The following CDH13 variants were observed in gnomAD, a reference collection of about 807,000 sequenced individuals.
CDH13 encodes the protein cadherin-13.
Under a neutral mutation model 63.8 loss-of-function variants are expected in CDH13, and 24 were observed. That is an observed-to-expected ratio of 0.38 (90% CI 0.27 to 0.53). CDH13 has a LOEUF of 0.53. Among genes scored for constraint, CDH13 ranks in the 20% least tolerant of loss-of-function variants. The probability of loss-of-function intolerance (pLI) is 0.85; values close to 1 mark genes in which losing one functional copy is unlikely to be tolerated. For missense variants in CDH13, 1,049 were observed against 903.1 expected (o/e 1.16, Z -2.07); for synonymous variants, 503 against 355.3 (o/e 1.42, Z -4.67).
At chr16:82,874,585 C>T (rs1035292307) in intron 2 of CDH13, among the ~76,000 whole-genome samples, 1 of 152,102 alleles carries the variant, frequency 6.6e-6, no homozygotes, top group Non-Finnish European at 1.5e-5. Context: ...CTATTTTTAG[C>T]TAAAACTGGT....
intron 2 of CDH13, among the ~76,000 whole-genome samples, chr16:82,959,716 C>G (rs1906675771): frequency 6.6e-6 from 1 of 152,170 alleles, no homozygotes; most frequent in Admixed American, 6.5e-5. Context: ...GTTCTGTTTG[C>G]CATATAAGTT....
intron 2 of CDH13, among the ~76,000 whole-genome samples, chr16:82,904,747 G>A (rs190362346): frequency 1.6e-3 from 247 of 152,296 alleles, no homozygotes; most frequent in Non-Finnish European, 2.9e-3. Context: ...CGGGTGGTCA[G>A]TATTTACCAG....
At chr16:83,349,657 A>G (rs907925125) in intron 6 of CDH13, among the ~76,000 whole-genome samples, 9 of 151,754 alleles carry the variant, frequency 5.9e-5, no homozygotes, top group Non-Finnish European at 1.2e-4. Flanking sequence ...CTGGAGTGCA[A>G]TAGTATGATC....
Position 82,858,423 on chromosome 16 carries a change from T to C in CDH13, c.107T>C (p.Phe36Ser), listed in dbSNP as rs377485418. ...ACTCCTGGATTTCAGCAGAAAGTGT[T>C]CCATATCAATCAGCCAGCTGAATTC... ...DCTPGFQQKV[F>S]HINQPAEFIE... Residue 36 changes from phenylalanine (F) to serine (S), a missense_variant, in exon 2 of 14, where the codon TTC becomes TCC. By Grantham distance (155) the Phe-to-Ser change is radical. Coordinates refer to ENST00000567109, the MANE Select transcript of CDH13 (RefSeq NM_001257.5). 2 of 1,613,694 alleles carry C rather than the reference T, an allele frequency of 1.2e-6. No homozygotes were observed. The highest frequency in any genetic ancestry group is 1.7e-5 in the Admixed American group (1 of 60,006).
At chr16:83,713,088 C>G (rs1598552684) in intron 10 of CDH13, among the ~76,000 whole-genome samples, 1 of 152,192 alleles carries the variant, frequency 6.6e-6, no homozygotes, top group South Asian at 2.1e-4. Context: ...GATTATAGTT[C>G]AAGCCAGTAG....
chr16:83,079,708 G>A (rs2033106010), intron 3 of CDH13, among the ~76,000 whole-genome samples: 1 of 152,156 alleles, frequency 6.6e-6, no homozygotes, highest in Admixed American at 6.5e-5. Flanking sequence ...GTACGCAAAT[G>A]TGTTTCTTCC....
chr16:83,271,072 C>G (rs961418495), intron 5 of CDH13, among the ~76,000 whole-genome samples: 11 of 151,858 alleles, frequency 7.2e-5, no homozygotes, highest in Admixed American at 2.6e-4. Context: ...TTTTAGGGAG[C>G]CCAAAGTCCT....
At chr16:82,724,982 C>T (rs2033010154) in intron 1 of CDH13, among the ~76,000 whole-genome samples, 1 of 152,184 alleles carries the variant, frequency 6.6e-6, no homozygotes. Context: ...AAGATGGCTT[C>T]TTAAGGATTA....
intron 8 of CDH13, among the ~76,000 whole-genome samples, chr16:83,637,139 T>G (rs1911335131): frequency 6.6e-6 from 1 of 152,216 alleles, no homozygotes; most frequent in African/African-American, 2.4e-5. Flanking sequence ...CAGTTTGAAC[T>G]CAACAGCTTT....
chr16:82,930,878 CA>C lies in CDH13; in HGVS notation c.157+72408del, dbSNP rs1279481737. Among the ~76,000 whole-genome samples the C allele has an allele frequency of 1.7e-4, 26 of 152,260 alleles. 1 individual carries two copies. The highest frequency in any genetic ancestry group is 6.0e-4 in the African/African-American group (25 of 41,548). On this transcript the variant is annotated intron_variant, in intron 2 of 13. Coordinates refer to ENST00000567109, the MANE Select transcript of CDH13 (RefSeq NM_001257.5). ...AGAGGACATAAATCACTCCTCTTCC[CA>C]AATTAGATTAAAATCCTGAGCTTTA... is the stretch of plus-strand genomic sequence containing the variant.
chr16:82,752,623 C>G (rs992270312), intron 1 of CDH13, among the ~76,000 whole-genome samples: 1 of 152,228 alleles, frequency 6.6e-6, no homozygotes, highest in African/African-American at 2.4e-5. Context: ...CCTACTCAAA[C>G]AAGCTTAAGA....
intron 1 of CDH13, among the ~76,000 whole-genome samples, chr16:82,661,007 C>T (rs1368642646): frequency 1.3e-5 from 2 of 152,072 alleles, no homozygotes; most frequent in African/African-American, 4.8e-5. Flanking sequence ...CTTCTCCCCT[C>T]CTGGGGACAT....
In CDH13 at chr16:83,728,152, G is replaced by A. The variant is rs1910631852; in HGVS notation, c.1539-19956G>A. ...GGAACAGCACCGCGGGCAGGCTTCA[G>A]AGCCACACACCACGTCTCTGTCTCA... On this transcript the variant is annotated intron_variant, in intron 10 of 13. Transcript: ENST00000567109. Among the ~76,000 whole-genome samples the A allele has an allele frequency of 2.0e-5, 3 of 152,292 alleles. No individual in the cohort carries two copies. In the South Asian group the frequency reaches 6.2e-4, roughly 32 times the overall value.
intron 10 of CDH13, among the ~76,000 whole-genome samples, chr16:83,730,315 C>T (rs1228464478): frequency 6.6e-6 from 1 of 152,162 alleles, no homozygotes; most frequent in Non-Finnish European, 1.5e-5. Context: ...AAAGGGGGAC[C>T]TCATTTGATG....
chr16:82,706,581 G>C (rs946818364), intron 1 of CDH13, among the ~76,000 whole-genome samples: 1 of 151,740 alleles, frequency 6.6e-6, no homozygotes, highest in Admixed American at 6.6e-5. Flanking sequence ...ATCACCTGAG[G>C]GTCAGGAGTT....
At chr16:82,713,056 G>GGTGT (rs10617791) in intron 1 of CDH13, among the ~76,000 whole-genome samples, 6 of 150,172 alleles carry the variant, frequency 4.0e-5, no homozygotes, top group South Asian at 2.1e-4. Flanking sequence ...GTGTGTGTGT[G>GGTGT]GTGTGTGTGT....
chr16:82,814,447 GGTCA>G (rs1409531747), intron 1 of CDH13, among the ~76,000 whole-genome samples: 3 of 152,022 alleles, frequency 2.0e-5, no homozygotes, highest in Non-Finnish European at 2.9e-5. Flanking sequence ...GATCACCAAC[GGTCA>G]GTGAGATACT....
At chr16:83,302,934 A>C (rs1393683736) in intron 5 of CDH13, among the ~76,000 whole-genome samples, 1 of 152,210 alleles carries the variant, frequency 6.6e-6, no homozygotes, top group African/African-American at 2.4e-5. Flanking sequence ...AGGTGCAGTC[A>C]CTACAGTTGC....
chr16:83,301,667 C>G (rs537403928), intron 5 of CDH13, among the ~76,000 whole-genome samples: 4 of 152,142 alleles, frequency 2.6e-5, no homozygotes, highest in African/African-American at 9.7e-5. Flanking sequence ...TTTTTGAAAT[C>G]TCCAGCTTGA....
Sources: allele counts gnomAD v4.1 joint callset (sites outside exome capture counted in the v4.1 genomes callset), GRCh38; gene constraint gnomAD v4.1.1; transcripts MANE v1.5; gene names NCBI Gene and HGNC (gene_info 2026-07-23, HGNC 2026-07-21).